Variants in PMS1 observed in about 807,000 individuals in gnomAD.
PMS1 encodes the protein PMS1 homolog 1, mismatch repair system component.
In PMS1, 79 loss-of-function variants were observed where a neutral mutation model predicts 93.1. The observed-to-expected ratio is 0.85, with a 90% CI of 0.71 to 1.02. The LOEUF is 1.02. Ranked by LOEUF, PMS1 falls within the 50% of genes least tolerant of loss-of-function variation. The pLI is 0.00. For missense variants in PMS1, 1,064 were observed against 1,085.3 expected, an observed-to-expected ratio of 0.98 and a Z score of 0.28; for synonymous variants, 335 against 363.4, an observed-to-expected ratio of 0.92 and a Z score of 0.89.
At chr2:189,829,501 C>A (rs1485559542) in intron 5 of PMS1, among the ~76,000 whole-genome samples, 1 of 152,150 alleles carries the variant, frequency 6.6e-6, no homozygotes, top group East Asian at 1.9e-4. Context: ...TGTGGTCCAT[C>A]ATTATCATCC....
At chr2:189,857,616 T>C (rs1225424385) in intron 9 of PMS1, 1 of 377,664 alleles carries the variant, frequency 2.6e-6, no homozygotes, top group African/African-American at 2.1e-5. Flanking sequence ...CTTCTCTCGA[T>C]TCCTCCTTTC....
intron 3 of PMS1, among the ~76,000 whole-genome samples, chr2:189,804,698 A>C (rs1470753518): frequency 6.6e-6 from 1 of 152,190 alleles, no homozygotes; most frequent in Non-Finnish European, 1.5e-5. Context: ...ACTTGGATTC[A>C]GATGAGTTCC....
At chr2:189,817,972 CG>C in intron 4 of PMS1, 44 bp from the exon 5 acceptor site, 1 of 1,373,984 alleles carries the variant, frequency 7.3e-7, no homozygotes, top group Non-Finnish European at 1.0e-6. Flanking sequence ...AGATCTGTGA[CG>C]TTCCTTCCAA....
Position 189,877,321 on chromosome 2 carries a change from A to G in PMS1, c.2684A>G (p.Glu895Gly), listed in dbSNP as rs746934898. 2.8e-5 allele frequency: 45 copies of G among 1,613,304 alleles called. No individual in the cohort carries two copies. The highest frequency in any genetic ancestry group is 3.3e-4 in the Middle Eastern group (2 of 6,082). ...CAATTACCCATGTACTTATCAAAAG[A>G]GGACATCCAAGACATTATCTACAGA... The part of the protein sequence containing the change: ...SRQLPMYLSK[E>G]DIQDIIYRMK... The change falls in exon 13 of 13, where the codon GAG becomes GGG. Residue 895 changes from glutamate to glycine, a missense_variant. Coordinates refer to ENST00000441310, the MANE Select transcript of PMS1 (RefSeq NM_000534.5).
chr2:189,795,674 A>T (rs1250641682), intron 2 of PMS1, 95 bp from the exon 3 acceptor site: 1 of 1,005,028 alleles, frequency 9.9e-7, no homozygotes, highest in Admixed American at 1.9e-5. Context: ...CATAAAAGTA[A>T]ATAAATGTCA....
chr2:189,854,606 C>G lies in PMS1; in HGVS notation c.1334C>G (p.Ser445Ter). 1 of 1,613,788 alleles carries G rather than the reference C, an allele frequency of 6.2e-7. No individual in the cohort carries two copies. The highest frequency in any genetic ancestry group is 8.5e-7 in the Non-Finnish European group (1 of 1,179,810). The change falls in exon 9 of 13, where the codon TCA becomes TGA. Residue 445 changes from serine (S) to a stop codon, truncating the protein, a stop_gained. Transcript: ENST00000441310. LOFTEE classifies it high-confidence loss of function. ...CAGGACATTTCAATGAGTAATGTAT[C>G]ATGGGAGAACTCTCAGACGGAATAT... Reference protein sequence around the residue: ...AFQDISMSNVSWENSQTEYSK... With the variant: ...AFQDISMSNV
At chr2:189,792,701 ATATATATATATATATATATG>A (rs925603281) in intron 2 of PMS1, among the ~76,000 whole-genome samples, 10 of 135,320 alleles carry the variant, frequency 7.4e-5, no homozygotes, top group African/African-American at 2.7e-4. Flanking sequence ...ATATATATAT[ATATATATATATATATATATG>A]TAAAATAAAA....
intron 9 of PMS1, among the ~76,000 whole-genome samples, chr2:189,862,776 T>C (rs1351305595): frequency 6.6e-6 from 1 of 152,184 alleles, no homozygotes; most frequent in East Asian, 1.9e-4. Flanking sequence ...GTGGCCCTCT[T>C]CCAGTTTTAA....
intron 9 of PMS1, among the ~76,000 whole-genome samples, chr2:189,862,789 G>A (rs1438571475): frequency 6.6e-6 from 1 of 152,158 alleles, no homozygotes; most frequent in Non-Finnish European, 1.5e-5. Flanking sequence ...AGTTTTAACT[G>A]AAAGCCCAAA....
At chr2:189,866,933 T>C (rs2056712058) in intron 10 of PMS1, among the ~76,000 whole-genome samples, 1 of 152,194 alleles carries the variant, frequency 6.6e-6, no homozygotes. Context: ...TTTTAGGATA[T>C]TGGTTAGATG....
intron 5 of PMS1, among the ~76,000 whole-genome samples, chr2:189,829,125 A>G (rs2106364564): frequency 6.6e-6 from 1 of 152,306 alleles, no homozygotes; most frequent in Admixed American, 6.5e-5. Flanking sequence ...TTAATGCATC[A>G]TTCATCCTCC....
chr2:189,853,855 A>G, intron 7 of PMS1, 84 bp from the exon 8 acceptor site: 1 of 846,786 alleles, frequency 1.2e-6, no homozygotes. Flanking sequence ...GCATCTACTC[A>G]ATTTCTCAGT....
intron 9 of PMS1, among the ~76,000 whole-genome samples, chr2:189,860,968 C>A (rs890755988): frequency 6.6e-6 from 1 of 151,454 alleles, no homozygotes; most frequent in African/African-American, 2.4e-5. Context: ...CTCGTCTTTA[C>A]ATTTAAAGTG....
chr2:189,802,236 G>T (rs2049955355), intron 3 of PMS1, among the ~76,000 whole-genome samples: 1 of 152,122 alleles, frequency 6.6e-6, no homozygotes, highest in South Asian at 2.1e-4. Context: ...AAATTCACAT[G>T]TAACTTTTGA....
chr2:189,818,397 C>T (rs1421701480), intron 5 of PMS1, among the ~76,000 whole-genome samples: 1 of 152,084 alleles, frequency 6.6e-6, no homozygotes, highest in Non-Finnish European at 1.5e-5. Context: ...CAGAGGGCTG[C>T]CTTCCTTCTT....
intron 3 of PMS1, among the ~76,000 whole-genome samples, chr2:189,797,717 C>G (rs910664398): frequency 6.6e-6 from 1 of 152,172 alleles, no homozygotes; most frequent in South Asian, 2.1e-4. Flanking sequence ...AAATGAGATA[C>G]TGTTGCTGTC....
intron 5 of PMS1, among the ~76,000 whole-genome samples, chr2:189,838,448 A>G (rs2053564675): frequency 6.6e-6 from 1 of 152,136 alleles, no homozygotes; most frequent in Non-Finnish European, 1.5e-5. Flanking sequence ...AACACTCAAC[A>G]CTGAACAAGC....
intron 4 of PMS1, among the ~76,000 whole-genome samples, chr2:189,808,712 G>T (rs2050565119): frequency 6.6e-6 from 1 of 152,062 alleles, no homozygotes; most frequent in South Asian, 2.1e-4. Context: ...TTTGTTTTAT[G>T]GATTAATTCA....
intron 3 of PMS1, among the ~76,000 whole-genome samples, chr2:189,800,938 A>G (rs2049833714): frequency 6.6e-6 from 1 of 152,248 alleles, no homozygotes; most frequent in Admixed American, 6.5e-5. Context: ...TTGAATGGTC[A>G]GTTTTCCTAA....
Sources: gnomAD v4.1 joint callset for allele counts (sites outside exome capture counted in the v4.1 genomes callset) on GRCh38, gnomAD v4.1.1 for gene constraint, MANE v1.5 for transcripts, NCBI Gene and HGNC (gene_info 2026-07-23, HGNC 2026-07-21) for gene names.